TEC: variants seen among roughly 807,000 people sequenced by gnomAD.
TEC encodes tyrosine-protein kinase Tec.
A neutral mutation model predicts 93.0 loss-of-function variants in TEC; 72 were observed. That is an observed-to-expected ratio of 0.77 (90% confidence interval 0.64 to 0.94). The LOEUF (loss-of-function observed/expected upper bound fraction) is 0.94, where lower values mean the gene tolerates loss of function less well. Ranked by LOEUF, TEC falls within the 40% of genes least tolerant of loss-of-function variation. The pLI is 0.00. For synonymous variants in TEC, 249 were observed against 247.7 expected (o/e 1.01, Z -0.05); for missense variants, 630 against 757.9 (o/e 0.83, Z 1.98).
Position 48,228,658 on chromosome 4 carries a change from T to A in TEC, c.-44A>T. 1 of 1,573,822 alleles carries A rather than the reference T, an allele frequency of 6.4e-7. No homozygotes were observed. The highest frequency in any genetic ancestry group is 8.6e-7 in the Non-Finnish European group (1 of 1,165,858). On this transcript the variant is annotated splice_region_variant and 5_prime_UTR_variant, in exon 2 of 18. Transcript: ENST00000381501. ...CCTCCTGCCACTGAAGATCCCAGTA[T>A]TCTACAGTGAAAAAAGAAACAGTTA...
At chr4:48,209,097 C>A (rs1722808571) in intron 2 of TEC, among the ~76,000 whole-genome samples, 1 of 152,202 alleles carries the variant, frequency 6.6e-6, no homozygotes, top group Non-Finnish European at 1.5e-5. Flanking sequence ...ATCAATGCCT[C>A]CCTCCAGAAC....
At chr4:48,214,766 A>G (rs1723018137) in intron 2 of TEC, among the ~76,000 whole-genome samples, 1 of 151,988 alleles carries the variant, frequency 6.6e-6, no homozygotes, top group Non-Finnish European at 1.5e-5. Flanking sequence ...ACATGGGAGG[A>G]TTGCTTGAGC....
chr4:48,227,933 C>T (rs558525170), intron 2 of TEC, among the ~76,000 whole-genome samples: 3 of 152,214 alleles, frequency 2.0e-5, no homozygotes, highest in Non-Finnish European at 2.9e-5. Flanking sequence ...TTGTCTGTGC[C>T]ACGTGCTCAC....
intron 2 of TEC, among the ~76,000 whole-genome samples, chr4:48,209,632 A>G (rs1170898139): frequency 6.6e-6 from 1 of 152,286 alleles, no homozygotes; most frequent in East Asian, 1.9e-4. Context: ...AGATTTATAA[A>G]AAATCAAGCT....
chr4:48,216,138 G>A (rs1723070110), intron 2 of TEC, among the ~76,000 whole-genome samples: 1 of 151,642 alleles, frequency 6.6e-6, no homozygotes. Flanking sequence ...TCACCCCAGG[G>A]CCTTTGCACC....
rs184672745 is a variant in TEC at position 48,238,167 on chromosome 4, G to A, written c.-45-9508C>T. Among the ~76,000 whole-genome samples the A allele has an allele frequency of 1.7e-4, 26 of 152,258 alleles. No homozygotes were observed. In the East Asian group the frequency reaches 4.4e-3, roughly 26 times the overall value. On this transcript the variant is annotated intron_variant, in intron 1 of 17. Transcript: ENST00000381501. The stretch of plus-strand genomic sequence containing the variant: ...GTACATTCTAGGCTCCCCATTTAAC[G>A]TCATGAATTGGAGCTATTCCAGGAT...
At chr4:48,213,714 T>C (rs1333209014) in intron 2 of TEC, among the ~76,000 whole-genome samples, 2 of 152,244 alleles carry the variant, frequency 1.3e-5, no homozygotes, top group African/African-American at 4.8e-5. Flanking sequence ...TTGATAACTT[T>C]GTTTATAATA....
chr4:48,203,870 T>C (rs1722614340), intron 2 of TEC, among the ~76,000 whole-genome samples: 1 of 152,176 alleles, frequency 6.6e-6, no homozygotes, highest in East Asian at 1.9e-4. Context: ...AGGCACTCGC[T>C]TTACAGGCAG....
chr4:48,195,664 T>C (rs1032865402), intron 2 of TEC, among the ~76,000 whole-genome samples: 19 of 152,182 alleles, frequency 1.2e-4, no homozygotes, highest in Non-Finnish European at 1.9e-4. Flanking sequence ...AATGGGGCAC[T>C]GAGTTAAACA....
chr4:48,259,485 G>T (rs1724436828), intron 1 of TEC, among the ~76,000 whole-genome samples: 1 of 152,176 alleles, frequency 6.6e-6, no homozygotes, highest in African/African-American at 2.4e-5. Flanking sequence ...GGAGGCTGAA[G>T]CTGGCAGATC....
At chr4:48,163,900 C>G (rs1720775487) in intron 7 of TEC, 133 bp from the exon 8 acceptor site, 1 of 502,764 alleles carries the variant, frequency 2.0e-6, no homozygotes, top group Non-Finnish European at 3.4e-6. Context: ...GCTGACCCCC[C>G]AAAATGCAGT....
intron 15 of TEC, among the ~76,000 whole-genome samples, chr4:48,140,039 C>A (rs572105552): frequency 4.5e-4 from 68 of 152,152 alleles, no homozygotes; most frequent in Non-Finnish European, 8.5e-4. Flanking sequence ...CAGATGAAAG[C>A]GGCAGACAGC....
At chr4:48,240,141 T>C (rs1208457209) in intron 1 of TEC, among the ~76,000 whole-genome samples, 1 of 152,152 alleles carries the variant, frequency 6.6e-6, no homozygotes, top group East Asian at 1.9e-4. Flanking sequence ...ATAAAATTGT[T>C]CATGAGTTGA....
At chr4:48,248,866 C>CT (rs34690737) in intron 1 of TEC, among the ~76,000 whole-genome samples, 32,656 of 136,698 alleles carry the variant, frequency 0.24, 4,193 homozygotes, top group African/African-American at 0.36. Flanking sequence ...TCTCCTCTTT[C>CT]TTTTTTTTTT....
chr4:48,217,401 C>T (rs1723117569), intron 2 of TEC, among the ~76,000 whole-genome samples: 1 of 152,160 alleles, frequency 6.6e-6, no homozygotes, highest in South Asian at 2.1e-4. Flanking sequence ...CGCGCCCAGC[C>T]AGTAATAAGT....
At chr4:48,170,071 C>T (rs529789469) in intron 5 of TEC, among the ~76,000 whole-genome samples, 177 bp downstream of exon 5, 1 of 152,286 alleles carries the variant, frequency 6.6e-6, no homozygotes, top group East Asian at 1.9e-4. Context: ...CCTTCTGATT[C>T]CACGAGAAGG....
rs776094892 is a variant in TEC, at chr4:48,176,070, A to T, written c.243+12T>A. ...CCCAGCACTGCACTGCCACAAAAAT[A>T]CACCAGCTCACCTGAAATGGATACT... On this transcript the variant is annotated intron_variant, in intron 3 of 17. Transcript: ENST00000381501. The T allele has an allele frequency of 1.2e-6, 2 of 1,604,686 alleles. No individual in the cohort carries two copies. The highest frequency in any genetic ancestry group is 1.7e-6 in the Non-Finnish European group (2 of 1,171,544).
chr4:48,235,019 G>A (rs1425918041), intron 1 of TEC, among the ~76,000 whole-genome samples: 3 of 151,940 alleles, frequency 2.0e-5, no homozygotes, highest in Non-Finnish European at 2.9e-5. Flanking sequence ...GCTCCCACTG[G>A]GCCAGGGCAG....
intron 8 of TEC, 57 bp from the exon 9 acceptor site, chr4:48,156,791 T>C: frequency 1.4e-6 from 2 of 1,399,906 alleles, no homozygotes; most frequent in Non-Finnish European, 9.7e-7. Context: ...TATTTTATTC[T>C]TTTCAGAATT....
Sources: gnomAD v4.1 joint callset for allele counts (sites outside exome capture counted in the v4.1 genomes callset) on GRCh38, gnomAD v4.1.1 for gene constraint, MANE v1.5 for transcripts, NCBI Gene and HGNC (gene_info 2026-07-23, HGNC 2026-07-21) for gene names.